Variants in CADPS2 observed in about 807,000 individuals in gnomAD.
CADPS2 encodes calcium dependent secretion activator 2, also known as calcium-dependent secretion activator 2.
In CADPS2, 93 loss-of-function variants were observed where a neutral mutation model predicts 172.5. The ratio of observed to expected loss-of-function variants is 0.54; its 90% CI spans 0.46 to 0.64. The LOEUF is 0.64. CADPS2 is among the 30% of genes least tolerant of loss of function. The probability of loss-of-function intolerance (pLI) is 0.00; values close to 1 mark genes in which losing one functional copy is unlikely to be tolerated. For missense variants in CADPS2, 1,420 were observed against 1,565.9 expected (o/e 0.91, Z 1.57); for synonymous variants, 546 against 555.2 (o/e 0.98, Z 0.23).
rs370385052 is a variant in CADPS2, at chr7:122,852,266, C to T, written c.339+33733G>A. 7.9e-5 allele frequency among the ~76,000 whole-genome samples: 12 copies of T among 152,124 alleles called. 2 individuals are homozygous for T. Among genetic ancestry groups the T allele is most frequent in the Admixed American group, 7.2e-4 (11 of 15,288 alleles). ...TACCTAGGAGATCTAGGAACTCATT[C>T]AATGGTACCTGAATTCAACTGTTCA... On this transcript the variant is annotated intron_variant, in intron 1 of 29. Transcript: ENST00000449022.
intron 2 of CADPS2, among the ~76,000 whole-genome samples, chr7:122,670,064 C>T (rs1167705277): frequency 1.3e-5 from 2 of 151,942 alleles, no homozygotes; most frequent in Non-Finnish European, 2.9e-5. Context: ...GTTCTCCCTC[C>T]CTCTCCCTGG....
intron 1 of CADPS2, among the ~76,000 whole-genome samples, chr7:122,782,711 C>T (rs1367804513): frequency 6.6e-6 from 1 of 152,182 alleles, no homozygotes; most frequent in Non-Finnish European, 1.5e-5. Context: ...TCAACAGATA[C>T]TAAGAAAGTA....
chr7:122,335,894 C>G (rs2035785256), intron 28 of CADPS2, among the ~76,000 whole-genome samples: 1 of 152,148 alleles, frequency 6.6e-6, no homozygotes, highest in Non-Finnish European at 1.5e-5. Flanking sequence ...GGCTACCTGC[C>G]TTTTGTTCTC....
intron 6 of CADPS2, among the ~76,000 whole-genome samples, chr7:122,587,833 G>A (rs1382530030): frequency 6.6e-6 from 1 of 152,096 alleles, no homozygotes. Flanking sequence ...CCCACCAACA[G>A]TGTAAAAGTG....
chr7:122,438,171 G>A (rs2050888125), intron 17 of CADPS2, among the ~76,000 whole-genome samples, 170 bp downstream of exon 17: 1 of 152,100 alleles, frequency 6.6e-6, no homozygotes, highest in Non-Finnish European at 1.5e-5. Flanking sequence ...GCATATTAAA[G>A]CAATGAATAG....
chr7:122,823,141 A>T (rs1803878745), intron 1 of CADPS2, among the ~76,000 whole-genome samples: 1 of 152,222 alleles, frequency 6.6e-6, no homozygotes, highest in Non-Finnish European at 1.5e-5. Context: ...GATCTTTTGT[A>T]CATTTTAAAT....
intron 1 of CADPS2, among the ~76,000 whole-genome samples, chr7:122,804,489 C>G (rs1798356287): frequency 6.6e-6 from 1 of 152,104 alleles, no homozygotes; most frequent in South Asian, 2.1e-4. Flanking sequence ...GGTTTAAAGA[C>G]AGAAGATCAT....
intron 6 of CADPS2, among the ~76,000 whole-genome samples, chr7:122,602,506 G>A (rs1025486872): frequency 6.6e-6 from 1 of 152,070 alleles, no homozygotes; most frequent in African/African-American, 2.4e-5. Context: ...TAATGAAAAA[G>A]AGAGGGTTCT....
intron 8 of CADPS2, among the ~76,000 whole-genome samples, chr7:122,552,779 T>TG (rs1439798252): frequency 2.0e-5 from 3 of 151,002 alleles, no homozygotes; most frequent in Admixed American, 1.3e-4. Context: ...GTTCCTGTTT[T>TG]TTTTTTTTTT....
At chr7:122,860,549 A>T (rs1473125734) in intron 1 of CADPS2, among the ~76,000 whole-genome samples, 1 of 151,986 alleles carries the variant, frequency 6.6e-6, no homozygotes, top group Admixed American at 6.6e-5. Flanking sequence ...TATTTTTTTT[A>T]AAGATAAAGG....
intron 6 of CADPS2, among the ~76,000 whole-genome samples, chr7:122,599,601 T>C (rs1395148439): frequency 6.6e-6 from 1 of 152,070 alleles, no homozygotes; most frequent in East Asian, 1.9e-4. Flanking sequence ...CATGTGAAGA[T>C]ATCCCCGGAA....
intron 1 of CADPS2, among the ~76,000 whole-genome samples, chr7:122,760,860 T>C (rs959440081): frequency 6.6e-6 from 1 of 151,012 alleles, no homozygotes; most frequent in Non-Finnish European, 1.5e-5. Flanking sequence ...ATACCTAATG[T>C]TAAATGACGA....
Position 122,885,980 on chromosome 7 carries a change from G to C in CADPS2, c.339+19C>G. ...CCAGGGAGAAGTGGTGGTAGGAGGC[G>C]CCCGGTCCCGCAACTCACCTTCTGC... On this transcript the variant is annotated intron_variant, in intron 1 of 29. Transcript: ENST00000449022. The C allele has an allele frequency of 6.3e-7, 1 of 1,592,458 alleles. No homozygotes were observed. Among genetic ancestry groups the C allele is most frequent in the East Asian group, 2.3e-5 (1 of 43,890 alleles).
intron 1 of CADPS2, among the ~76,000 whole-genome samples, chr7:122,786,916 G>T (rs1319823500): frequency 2.6e-5 from 4 of 152,100 alleles, no homozygotes; most frequent in African/African-American, 4.8e-5. Context: ...TAGAAACCAG[G>T]TTCCATGAGA....
intron 1 of CADPS2, among the ~76,000 whole-genome samples, chr7:122,827,849 A>AT (rs1161215174): frequency 2.0e-5 from 3 of 152,176 alleles, no homozygotes; most frequent in Non-Finnish European, 4.4e-5. Flanking sequence ...AACAAAAAGA[A>AT]TTCAGCAACA....
intron 7 of CADPS2, 117 bp from the exon 8 acceptor site, chr7:122,554,806 C>A: frequency 1.2e-6 from 1 of 820,754 alleles, no homozygotes; most frequent in South Asian, 2.7e-5. Context: ...CCAAATGTAT[C>A]CAATAAACAA....
At chr7:122,803,473 C>G (rs572472576) in intron 1 of CADPS2, among the ~76,000 whole-genome samples, 1 of 152,242 alleles carries the variant, frequency 6.6e-6, no homozygotes, top group South Asian at 2.1e-4. Context: ...ACATTGCTGC[C>G]TCTGTGACAC....
chr7:122,480,218 C>T (rs1050613510), intron 12 of CADPS2: 7 of 448,206 alleles, frequency 1.6e-5, no homozygotes, highest in Non-Finnish European at 2.3e-5. Flanking sequence ...AATAGATTTG[C>T]TTATTAGAGA....
intron 2 of CADPS2, among the ~76,000 whole-genome samples, chr7:122,687,457 C>T (rs187869700): frequency 4.5e-4 from 68 of 152,286 alleles, no homozygotes; most frequent in South Asian, 8.3e-4. Context: ...GCTGTGGAAC[C>T]AGAACAAGTT....
Sources: gnomAD v4.1 joint callset for allele counts (sites outside exome capture counted in the v4.1 genomes callset) on GRCh38, gnomAD v4.1.1 for gene constraint, MANE v1.5 for transcripts, NCBI Gene and HGNC (gene_info 2026-07-23, HGNC 2026-07-21) for gene names.